WWOX: variants seen among roughly 807,000 people sequenced by gnomAD.
The protein encoded by WWOX is WW domain containing oxidoreductase.
Under a neutral mutation model 46.2 loss-of-function variants are expected in WWOX, and 69 were observed. That is an observed-to-expected ratio of 1.49 (90% confidence interval 1.23 to 1.82). The LOEUF (loss-of-function observed/expected upper bound fraction) is 1.82. Ranked by LOEUF, WWOX falls within the 40% of genes most tolerant of loss-of-function variation. The pLI is 0.00. For synonymous variants in WWOX, 359 were observed against 202.6 expected, an observed-to-expected ratio of 1.77 and a Z score of -6.56; for missense variants, 919 against 542.6, an observed-to-expected ratio of 1.69 and a Z score of -6.89.
chr16:79,039,144 C>G (rs952846191), intron 8 of WWOX, among the ~76,000 whole-genome samples: 1 of 152,038 alleles, frequency 6.6e-6, no homozygotes, highest in Admixed American at 6.6e-5. Flanking sequence ...TTTATTGTAG[C>G]TGGGGAATTC....
At chr16:78,780,347 C>G (rs975859762) in intron 8 of WWOX, 2 of 152,172 alleles carry the variant, frequency 1.3e-5, no homozygotes, top group African/African-American at 4.8e-5. Flanking sequence ...TATTCATTCA[C>G]TGGTTGATTA....
intron 8 of WWOX, among the ~76,000 whole-genome samples, chr16:78,617,245 A>G (rs1450028846): frequency 6.6e-6 from 1 of 151,958 alleles, no homozygotes; most frequent in East Asian, 1.9e-4. Context: ...AACTAAGAAT[A>G]GAAAATATTA....
intron 8 of WWOX, among the ~76,000 whole-genome samples, chr16:78,527,668 A>C (rs1019184936): frequency 6.6e-6 from 1 of 152,046 alleles, no homozygotes; most frequent in Admixed American, 6.6e-5. Flanking sequence ...CTTACAGCTC[A>C]CTAACCCTGT....
At position 79,212,119 on chromosome 16, in the gene WWOX, T is replaced by G; in HGVS notation, c.*323T>G. On this transcript the variant is annotated 3_prime_UTR_variant, in exon 9 of 9. Transcript: ENST00000566780. ...ACCAGCAATTCTCTTTCTTTTACTG[T>G]TATAGAATAGCCTGAGGTCCCCTCG... is the stretch of plus-strand genomic sequence containing the variant. 1 of 1,534,246 alleles carries G rather than the reference T, an allele frequency of 6.5e-7. No individual in the cohort carries two copies. Among genetic ancestry groups the G allele is most frequent in the Non-Finnish European group, 8.7e-7 (1 of 1,145,822 alleles).
At chr16:78,212,113 C>T (rs1298194371) in intron 5 of WWOX, among the ~76,000 whole-genome samples, 1 of 152,210 alleles carries the variant, frequency 6.6e-6, no homozygotes, top group East Asian at 1.9e-4. Flanking sequence ...GGGAACTGCC[C>T]TGCCCAGTCC....
chr16:78,476,932 C>T (rs974489707), intron 8 of WWOX, among the ~76,000 whole-genome samples: 1 of 152,034 alleles, frequency 6.6e-6, no homozygotes, highest in Non-Finnish European at 1.5e-5. Flanking sequence ...TTCCGTCCTT[C>T]CTCCTTCAGT....
intron 6 of WWOX, among the ~76,000 whole-genome samples, chr16:78,414,308 G>A (rs1234468197): frequency 6.6e-6 from 1 of 152,142 alleles, no homozygotes; most frequent in Non-Finnish European, 1.5e-5. Context: ...CCTGTTTGGT[G>A]GTCTCTTCAC....
chr16:78,967,446 G>T (rs1398180832), intron 8 of WWOX, among the ~76,000 whole-genome samples: 2 of 137,324 alleles, frequency 1.5e-5, no homozygotes, highest in East Asian at 4.3e-4. Flanking sequence ...AACATGCCTG[G>T]TTAATTTTTG....
rs367796280 is a variant in WWOX, at chr16:78,995,302, C to G, written c.1057-216306C>G. Among the ~76,000 whole-genome samples, 11 of 152,258 alleles carry G rather than the reference C, an allele frequency of 7.2e-5. No individual in the cohort carries two copies. In the East Asian group the frequency reaches 1.4e-3, roughly 19 times the overall value. ...GGCATCTGGATGCATCGCGGCCAGT[C>G]TGCCCCTTGCCCAATTCCCTCCCCT... On this transcript the variant is annotated intron_variant, in intron 8 of 8. Coordinates refer to ENST00000566780, the MANE Select transcript of WWOX (RefSeq NM_016373.4).
intron 8 of WWOX, among the ~76,000 whole-genome samples, chr16:78,577,125 C>G (rs1181069834): frequency 6.6e-6 from 1 of 152,080 alleles, no homozygotes; most frequent in South Asian, 2.1e-4. Flanking sequence ...AATTAGTCAC[C>G]AGTGTCTCAT....
intron 8 of WWOX, among the ~76,000 whole-genome samples, chr16:79,076,477 C>G (rs1403909565): frequency 1.3e-5 from 2 of 152,156 alleles, no homozygotes; most frequent in Non-Finnish European, 2.9e-5. Flanking sequence ...CAAAAAAATG[C>G]TGCTGGCTCC....
chr16:78,585,733 T>C (rs994570442), intron 8 of WWOX, among the ~76,000 whole-genome samples: 5 of 151,726 alleles, frequency 3.3e-5, no homozygotes, highest in Non-Finnish European at 7.4e-5. Context: ...GTGCTTGGCT[T>C]CTCCACAGAG....
chr16:78,330,412 T>TC (rs144337116), intron 5 of WWOX, among the ~76,000 whole-genome samples: 13,458 of 151,884 alleles, frequency 0.089, 803 homozygotes, highest in East Asian at 0.25. Flanking sequence ...TTTTTTTTTT[T>TC]CCCCTGAGAA....
chr16:78,240,035 G>A (rs951995935), intron 5 of WWOX, among the ~76,000 whole-genome samples: 5 of 152,044 alleles, frequency 3.3e-5, no homozygotes, highest in African/African-American at 9.7e-5. Context: ...GTGGAATAGC[G>A]TCTCCCCAAA....
rs2034889876 is a variant in WWOX at position 78,164,169 on chromosome 16, C to T, written c.410-14C>T. On this transcript the variant is annotated splice_polypyrimidine_tract_variant and intron_variant, in intron 4 of 8. Coordinates refer to ENST00000566780, the MANE Select transcript of WWOX (RefSeq NM_016373.4). ...TGTTATGTTTTCTAACATTGACTTTCCTTTAAACCATAGGGTTCGAAACCG... is the reference window on the plus strand; with the variant it reads ...TGTTATGTTTTCTAACATTGACTTTTCTTTAAACCATAGGGTTCGAAACCG... 1.9e-6 allele frequency: 3 copies of T among 1,611,520 alleles called. No individual in the cohort carries two copies. Among genetic ancestry groups the T allele is most frequent in the South Asian group, 2.2e-5 (2 of 90,456 alleles).
chr16:78,775,380 G>A (rs550912469), intron 8 of WWOX, among the ~76,000 whole-genome samples: 2 of 152,100 alleles, frequency 1.3e-5, no homozygotes, highest in African/African-American at 2.4e-5. Context: ...GCAACTTTTC[G>A]ATGAGTAAAA....
chr16:78,415,140 G>C (rs2082769271), intron 6 of WWOX, among the ~76,000 whole-genome samples: 1 of 149,988 alleles, frequency 6.7e-6, no homozygotes, highest in African/African-American at 2.4e-5. Flanking sequence ...TATAAACAAG[G>C]GGTAGATTAC....
chr16:78,776,838 C>T (rs192494641), intron 8 of WWOX, among the ~76,000 whole-genome samples: 2 of 152,100 alleles, frequency 1.3e-5, no homozygotes, highest in East Asian at 1.9e-4. Context: ...ACCATCAGAT[C>T]GCGTAAGAAC....
intron 5 of WWOX, among the ~76,000 whole-genome samples, chr16:78,384,618 T>C (rs781278872): frequency 1.3e-5 from 2 of 152,136 alleles, no homozygotes; most frequent in Non-Finnish European, 2.9e-5. Flanking sequence ...AGCTCTGTTA[T>C]TTCCTGAACG....
Sources: gnomAD v4.1 joint callset for allele counts (sites outside exome capture counted in the v4.1 genomes callset) on GRCh38, gnomAD v4.1.1 for gene constraint, MANE v1.5 for transcripts, NCBI Gene and HGNC (gene_info 2026-07-23, HGNC 2026-07-21) for gene names.